RBM20: variants seen among roughly 807,000 people sequenced by gnomAD.
RBM20 encodes the protein RNA binding motif protein 20.
In RBM20, 51 loss-of-function variants were observed where a neutral mutation model predicts 110.1. The ratio of observed to expected loss-of-function variants is 0.46; its 90% confidence interval spans 0.37 to 0.59. The LOEUF is 0.59. RBM20 is among the 20% of genes least tolerant of loss of function. The pLI, the probability that RBM20 is intolerant of heterozygous loss-of-function variation, is 0.00. For missense variants in RBM20, 1,512 were observed against 1,574.9 expected, an observed-to-expected ratio of 0.96 and a Z score of 0.68; for synonymous variants, 589 against 618.2, an observed-to-expected ratio of 0.95 and a Z score of 0.70.
intron 1 of RBM20, among the ~76,000 whole-genome samples, chr10:110,653,468 A>T (rs1564806416): frequency 6.6e-6 from 1 of 150,738 alleles, no homozygotes; most frequent in Non-Finnish European, 1.5e-5. Flanking sequence ...GTCTTATTTA[A>T]TTTTTTTCTA....
At chr10:110,705,204 G>A (rs1347602388) in intron 1 of RBM20, among the ~76,000 whole-genome samples, 3 of 152,154 alleles carry the variant, frequency 2.0e-5, no homozygotes, top group Admixed American at 6.5e-5. Flanking sequence ...TGTGTTTGAC[G>A]CCTGGAACAG....
At position 110,744,829 on chromosome 10, in the gene RBM20, A is replaced by T. The variant is rs894379042; in HGVS notation, c.192-35972A>T. On this transcript the variant is annotated intron_variant, in intron 1 of 13. Coordinates refer to ENST00000369519, the MANE Select transcript of RBM20 (RefSeq NM_001134363.3). ...AGTTATATTTCGAACAAAGGCAATG[A>T]ATCCATCTTGGTCCTTTGCTTGGCT... is the stretch of plus-strand genomic sequence containing the variant. 7.2e-5 allele frequency among the ~76,000 whole-genome samples: 11 copies of T among 152,378 alleles called. No homozygotes were observed. In the East Asian group the frequency reaches 1.9e-3, roughly 27 times the overall value.
At chr10:110,712,749 A>C (rs530160309) in intron 1 of RBM20, among the ~76,000 whole-genome samples, 1 of 152,360 alleles carries the variant, frequency 6.6e-6, no homozygotes, top group African/African-American at 2.4e-5. Context: ...CCTGGGTGTC[A>C]GAACAAGATT....
intron 1 of RBM20, among the ~76,000 whole-genome samples, chr10:110,745,673 C>A (rs1843771558): frequency 6.6e-6 from 1 of 152,156 alleles, no homozygotes; most frequent in South Asian, 2.1e-4. Context: ...CCGTCATATC[C>A]AATTCAATGT....
chr10:110,775,565 A>G (rs1257262949), intron 1 of RBM20, among the ~76,000 whole-genome samples: 1 of 152,108 alleles, frequency 6.6e-6, no homozygotes, highest in African/African-American at 2.4e-5. Flanking sequence ...TGGATCCCTC[A>G]AATCCCATCC....
At chr10:110,819,772 C>G (rs918527554) in intron 9 of RBM20, among the ~76,000 whole-genome samples, 1 of 152,114 alleles carries the variant, frequency 6.6e-6, no homozygotes, top group South Asian at 2.1e-4. Context: ...CAAAAAATAC[C>G]CAGTTTGCCA....
chr10:110,802,988 T>C (rs1844648892), intron 7 of RBM20, among the ~76,000 whole-genome samples: 1 of 152,242 alleles, frequency 6.6e-6, no homozygotes, highest in Non-Finnish European at 1.5e-5. Flanking sequence ...AAGTATTTTT[T>C]TTCATACATT....
intron 1 of RBM20, among the ~76,000 whole-genome samples, chr10:110,658,732 T>G (rs574321437): frequency 1.1e-3 from 170 of 152,182 alleles, no homozygotes; most frequent in Admixed American, 1.4e-3. Context: ...AGGTTCAGAC[T>G]GCATGGAAGG....
Position 110,821,623 on chromosome 10 carries a change from C to T in RBM20, c.3004C>T (p.Leu1002=), listed in dbSNP as rs375355193. ...TGACATGGACGTGGAAATGCCTGGC[C>T]TAAATCTGGATGCTGAGCGGAAGCC... ...PSDMDVEMPG[L]NLDAERKPAE... is the part of the protein sequence containing the mutation. The change falls in exon 11 of 14, where the codon CTA becomes TTA. Residue 1002 remains leucine, a synonymous_variant. Transcript: ENST00000369519. 6.4e-7 allele frequency: 1 copy of T among 1,551,674 alleles called. No individual in the cohort carries two copies. The highest frequency in any genetic ancestry group is 8.7e-7 in the Non-Finnish European group (1 of 1,146,902).
intron 1 of RBM20, among the ~76,000 whole-genome samples, chr10:110,664,903 C>T (rs2134829792): frequency 6.6e-6 from 1 of 152,062 alleles, no homozygotes; most frequent in Non-Finnish European, 1.5e-5. Flanking sequence ...GAGACAGGGT[C>T]CTTGCTCTGT....
chr10:110,827,366 AGAGT>A (rs1844994791), intron 12 of RBM20, among the ~76,000 whole-genome samples: 1 of 152,036 alleles, frequency 6.6e-6, no homozygotes. Flanking sequence ...CCTGGGCAGC[AGAGT>A]GAGTGAGACC....
At chr10:110,778,605 A>G (rs563021730) in intron 1 of RBM20, among the ~76,000 whole-genome samples, 2 of 152,340 alleles carry the variant, frequency 1.3e-5, no homozygotes, top group East Asian at 1.9e-4. Flanking sequence ...ATTGTACAGC[A>G]TGCATTGTTT....
At chr10:110,673,757 A>G (rs1862293927) in intron 1 of RBM20, among the ~76,000 whole-genome samples, 1 of 152,312 alleles carries the variant, frequency 6.6e-6, no homozygotes, top group Non-Finnish European at 1.5e-5. Flanking sequence ...AGTGGCCTAT[A>G]TTGAAACTGG....
chr10:110,819,482 T>A (rs573092493), intron 9 of RBM20, among the ~76,000 whole-genome samples: 1 of 152,332 alleles, frequency 6.6e-6, no homozygotes, highest in East Asian at 1.9e-4. Context: ...CTGCTTTCAA[T>A]TGTTCAGTTT....
At chr10:110,744,804 A>T (rs1338149747) in intron 1 of RBM20, among the ~76,000 whole-genome samples, 1 of 152,224 alleles carries the variant, frequency 6.6e-6, no homozygotes, top group Non-Finnish European at 1.5e-5. Context: ...ATGAAGACTC[A>T]GTTATATTTC....
intron 1 of RBM20, among the ~76,000 whole-genome samples, chr10:110,681,232 T>G (rs569756412): frequency 2.6e-5 from 4 of 152,304 alleles, no homozygotes; most frequent in Non-Finnish European, 5.9e-5. Context: ...CCCCCTGCTG[T>G]TAGACCACGT....
At chr10:110,744,160 CTA>C (rs755535375) in intron 1 of RBM20, among the ~76,000 whole-genome samples, 8 of 152,290 alleles carry the variant, frequency 5.3e-5, no homozygotes, top group Middle Eastern at 3.4e-3. Context: ...AGATACCTCT[CTA>C]TACAGAGGAA....
At chr10:110,681,892 TTTG>T (rs553858840) in intron 1 of RBM20, among the ~76,000 whole-genome samples, 2 of 151,894 alleles carry the variant, frequency 1.3e-5, no homozygotes, top group African/African-American at 2.4e-5. Context: ...TGCTTTTTTT[TTTG>T]TTGTTGTTGT....
At chr10:110,656,526 C>T (rs954508670) in intron 1 of RBM20, among the ~76,000 whole-genome samples, 2 of 151,956 alleles carry the variant, frequency 1.3e-5, no homozygotes, top group African/African-American at 2.4e-5. Context: ...TTAGTGACAT[C>T]AAGTACGTTC....
Sources: gnomAD v4.1 joint callset for allele counts (sites outside exome capture counted in the v4.1 genomes callset) on GRCh38, gnomAD v4.1.1 for gene constraint, MANE v1.5 for transcripts, NCBI Gene and HGNC (gene_info 2026-07-23, HGNC 2026-07-21) for gene names.